The following KLF12 variants were observed in gnomAD, a reference collection of about 807,000 sequenced individuals.
The protein encoded by KLF12 is KLF transcription factor 12.
Under a neutral mutation model 37.8 loss-of-function variants are expected in KLF12, and 9 were observed. The observed-to-expected ratio is 0.24, with a 90% CI of 0.14 to 0.42. KLF12 has a LOEUF of 0.42. Ranked by LOEUF, KLF12 falls within the 10% of genes least tolerant of loss-of-function variation. KLF12 has a pLI of 1.00. For missense variants in KLF12, 411 were observed against 516.0 expected, an observed-to-expected ratio of 0.80 and a Z score of 1.97; for synonymous variants, 208 against 202.1, an observed-to-expected ratio of 1.03 and a Z score of -0.25.
At chr13:74,031,555 T>C (rs1170974088) in intron 1 of KLF12, among the ~76,000 whole-genome samples, 1 of 152,150 alleles carries the variant, frequency 6.6e-6, no homozygotes, top group Non-Finnish European at 1.5e-5. Flanking sequence ...AAAGATGTGA[T>C]TTAAATCATT....
chr13:73,744,391 C>A (rs907207268), intron 6 of KLF12, among the ~76,000 whole-genome samples: 7 of 152,094 alleles, frequency 4.6e-5, no homozygotes, highest in Non-Finnish European at 8.8e-5. Flanking sequence ...CTCATGAGGG[C>A]ATGGATGAAA....
At chr13:74,184,480 TGCA>T in the KLF12 span, among the ~76,000 whole-genome samples, 3 of 152,286 alleles carry the variant, frequency 2.0e-5, no homozygotes, top group African/African-American at 7.2e-5. Context: ...CTCCCAAGGA[TGCA>T]GCAATCTTTA....
chr13:74,163,604 G>A, the KLF12 span, among the ~76,000 whole-genome samples: 3 of 152,120 alleles, frequency 2.0e-5, no homozygotes, highest in South Asian at 6.2e-4. Flanking sequence ...AGGGAAGGTG[G>A]GGATGGTTAA....
At chr13:74,000,499 A>G (rs1474283269) in intron 1 of KLF12, among the ~76,000 whole-genome samples, 1 of 152,238 alleles carries the variant, frequency 6.6e-6, no homozygotes, top group Admixed American at 6.5e-5. Flanking sequence ...TACTTCATTT[A>G]TAAAACTGTC....
chr13:74,107,774 A>T (rs1310589275), intron 1 of KLF12, among the ~76,000 whole-genome samples: 1 of 152,212 alleles, frequency 6.6e-6, no homozygotes, highest in Non-Finnish European at 1.5e-5. Context: ...GTGCACCTCA[A>T]CTGGGTCAGA....
Position 73,955,610 on chromosome 13 carries a change from A to G in KLF12, c.34-11540T>C, listed in dbSNP as rs547306244. 2.6e-5 allele frequency among the ~76,000 whole-genome samples: 4 copies of G among 152,352 alleles called. No individual in the cohort carries two copies. In the East Asian group the frequency reaches 5.8e-4, roughly 22 times the overall value. Reference sequence around the variant, plus strand: ...TAGTGCTTCCTAGCAAGCAAATTCTATATTTGACATAGTGCTAAATAAAAA... The same window carrying G: ...TAGTGCTTCCTAGCAAGCAAATTCTGTATTTGACATAGTGCTAAATAAAAA... On this transcript the variant is annotated intron_variant, in intron 2 of 7. Transcript: ENST00000377669.
At chr13:73,788,032 A>G (rs1450727199) in intron 5 of KLF12, among the ~76,000 whole-genome samples, 1 of 152,242 alleles carries the variant, frequency 6.6e-6, no homozygotes, top group African/African-American at 2.4e-5. Flanking sequence ...TTTAATAAAA[A>G]TAACTACTGA....
chr13:73,784,320 C>T (rs927862702), intron 5 of KLF12, among the ~76,000 whole-genome samples: 1 of 152,084 alleles, frequency 6.6e-6, no homozygotes, highest in African/African-American at 2.4e-5. Flanking sequence ...TAAAATTAAC[C>T]CTTAACTCCT....
the KLF12 span, among the ~76,000 whole-genome samples, chr13:74,184,396 A>G: frequency 6.6e-6 from 1 of 152,188 alleles, no homozygotes; most frequent in South Asian, 2.1e-4. Context: ...CCAACTCAAT[A>G]TAGTAAACCA....
At chr13:74,242,373 A>G in the KLF12 span, among the ~76,000 whole-genome samples, 2 of 152,218 alleles carry the variant, frequency 1.3e-5, no homozygotes, top group South Asian at 2.1e-4. Flanking sequence ...GGCAAAAGCC[A>G]TGTCTTACAT....
chr13:73,818,668 A>G (rs1594127943), intron 4 of KLF12, among the ~76,000 whole-genome samples: 1 of 152,390 alleles, frequency 6.6e-6, no homozygotes, highest in East Asian at 1.9e-4. Flanking sequence ...ATCTAAGAAC[A>G]TATATGAAAA....
At chr13:74,037,019 G>A (rs939434738) in intron 1 of KLF12, among the ~76,000 whole-genome samples, 24 of 151,868 alleles carry the variant, frequency 1.6e-4, no homozygotes, top group Non-Finnish European at 3.2e-4. Context: ...GCCTGGCCAA[G>A]ATGGTGAAAC....
chr13:73,790,148 A>G (rs1287055220), intron 5 of KLF12, among the ~76,000 whole-genome samples: 1 of 152,246 alleles, frequency 6.6e-6, no homozygotes, highest in East Asian at 1.9e-4. Context: ...ACATAACAGT[A>G]CTTAGCTTTC....
Position 73,695,478 on chromosome 13 carries a change from A to C in KLF12, c.*12T>G. 6.2e-7 allele frequency: 1 copy of C among 1,612,868 alleles called. No homozygotes were observed. On this transcript the variant is annotated 3_prime_UTR_variant, in exon 8 of 8. Transcript: ENST00000377669. ...ATCCAGCTCTTACGCTCAGCTGGAC[A>C]GGTAGCATTCCTCACACCAACATAT... is the stretch of plus-strand genomic sequence containing the variant.
intron 5 of KLF12, among the ~76,000 whole-genome samples, chr13:73,771,068 TCTC>T (rs1437930461): frequency 6.6e-6 from 1 of 152,126 alleles, no homozygotes; most frequent in Non-Finnish European, 1.5e-5. Context: ...CACTAGATGT[TCTC>T]CTCTCTCCCT....
At chr13:73,855,575 T>C (rs1426565302) in intron 3 of KLF12, among the ~76,000 whole-genome samples, 1 of 152,196 alleles carries the variant, frequency 6.6e-6, no homozygotes, top group Non-Finnish European at 1.5e-5. Flanking sequence ...ATGTGTCTTT[T>C]TGATAGAATG....
At chr13:73,708,745 A>G (rs1177307891) in intron 7 of KLF12, among the ~76,000 whole-genome samples, 1 of 152,238 alleles carries the variant, frequency 6.6e-6, no homozygotes, top group Non-Finnish European at 1.5e-5. Flanking sequence ...TCAGTTAATA[A>G]GCAATAGAAC....
the KLF12 span, among the ~76,000 whole-genome samples, chr13:74,299,630 G>A: frequency 0.65 from 98,685 of 152,010 alleles, 37,224 homozygotes; most frequent in Non-Finnish European, 0.84. Flanking sequence ...CTTTCCTAGC[G>A]TTAAGGGCTA....
the KLF12 span, among the ~76,000 whole-genome samples, chr13:74,268,223 T>C: frequency 2.0e-5 from 3 of 152,220 alleles, no homozygotes; most frequent in Admixed American, 6.5e-5. Context: ...CCAGTAGAAT[T>C]ATTAGTCCAT....
Sources: gnomAD v4.1 joint callset for allele counts (sites outside exome capture counted in the v4.1 genomes callset) on GRCh38, gnomAD v4.1.1 for gene constraint, MANE v1.5 for transcripts, NCBI Gene and HGNC (gene_info 2026-07-23, HGNC 2026-07-21) for gene names.